INSR: variants seen among roughly 807,000 people sequenced by gnomAD.
INSR encodes the protein IR.
Under a neutral mutation model 142.6 loss-of-function variants are expected in INSR, and 67 were observed. That is an observed-to-expected ratio of 0.47 (90% CI 0.39 to 0.58). The LOEUF is 0.58. Among genes scored for constraint, INSR ranks in the 20% least tolerant of loss-of-function variants. The pLI is 0.00. For missense variants in INSR, 1,248 were observed against 1,833.2 expected (o/e 0.68, Z 5.83); for synonymous variants, 756 against 743.1 (o/e 1.02, Z -0.28).
intron 10 of INSR, chr19:7,152,452 C>T (rs1973395049): frequency 6.1e-6 from 3 of 491,300 alleles, no homozygotes; most frequent in Non-Finnish European, 7.4e-6. Flanking sequence ...TTGGAACTCA[C>T]GTGGAGACCA....
chr19:7,124,190 C>T (rs1021655582), intron 17 of INSR, among the ~76,000 whole-genome samples: 6 of 151,356 alleles, frequency 4.0e-5, no homozygotes, highest in East Asian at 3.9e-4. Flanking sequence ...GGTGAAACCC[C>T]GTCTCTAATA....
chr19:7,150,473 A>T lies in INSR; in HGVS notation c.2267+24T>A. 6.2e-7 allele frequency: 1 copy of T among 1,612,310 alleles called. No homozygotes were observed. Among genetic ancestry groups the T allele is most frequent in the Non-Finnish European group, 8.5e-7 (1 of 1,178,394 alleles). ...GCCGGCCCTGCGCGGAGCAGGCACC[A>T]GGGGTCGCACAGGTGAGTCATACCT... On this transcript the variant is annotated intron_variant, in intron 11 of 21. Coordinates refer to ENST00000302850, the MANE Select transcript of INSR (RefSeq NM_000208.4). The surrounding 1 kb of genome is among the most constrained non-coding windows in gnomAD (Gnocchi z 4.2).
At chr19:7,197,315 GGAGA>G (rs1321118419) in intron 2 of INSR, among the ~76,000 whole-genome samples, 1 of 93,222 alleles carries the variant, frequency 1.1e-5, no homozygotes, top group Non-Finnish European at 2.4e-5. Flanking sequence ...TCTTCTCTTC[GGAGA>G]GAGAGTGAGT....
At chr19:7,280,607 C>T (rs1445775472) in intron 1 of INSR, among the ~76,000 whole-genome samples, 1 of 151,950 alleles carries the variant, frequency 6.6e-6, no homozygotes, top group South Asian at 2.1e-4. Flanking sequence ...GTCCCAGCTA[C>T]TTGGGAGGCT....
chr19:7,218,948 G>C (rs1404400952), intron 2 of INSR, among the ~76,000 whole-genome samples: 1 of 152,180 alleles, frequency 6.6e-6, no homozygotes, highest in Non-Finnish European at 1.5e-5. Context: ...GCTTACAGGT[G>C]GCAGGAAGGC....
At chr19:7,233,832 C>T (rs1976074133) in intron 2 of INSR, among the ~76,000 whole-genome samples, 1 of 151,068 alleles carries the variant, frequency 6.6e-6, no homozygotes, top group South Asian at 2.1e-4. Context: ...CCCGCCACCA[C>T]ACCCGGCTAA....
chr19:7,135,408 C>T (rs1972894427), intron 13 of INSR, among the ~76,000 whole-genome samples: 2 of 146,128 alleles, frequency 1.4e-5, no homozygotes, highest in Admixed American at 6.9e-5. Context: ...CTCCGCCTCC[C>T]GAGTTCAAGC....
intron 2 of INSR, among the ~76,000 whole-genome samples, chr19:7,251,333 T>C (rs1382264473): frequency 6.6e-6 from 1 of 152,062 alleles, no homozygotes; most frequent in Non-Finnish European, 1.5e-5. Flanking sequence ...CTCGGCTCAT[T>C]ACAGCCTCAA....
intron 2 of INSR, among the ~76,000 whole-genome samples, chr19:7,238,637 A>T (rs1051856118): frequency 1.3e-4 from 19 of 151,066 alleles, no homozygotes; most frequent in Non-Finnish European, 2.7e-4. Context: ...AAAAAAAAAA[A>T]AAGGAAAGGG....
At chr19:7,132,349 G>C in intron 13 of INSR, 32 bp from the exon 14 acceptor site, 1 of 1,608,138 alleles carries the variant, frequency 6.2e-7, no homozygotes. Context: ...AAGGAGGGTG[G>C]CTGAGCTTTG....
intron 12 of INSR, 152 bp from the exon 13 acceptor site, chr19:7,141,968 A>G (rs1361843835): frequency 4.2e-6 from 3 of 712,918 alleles, no homozygotes; most frequent in African/African-American, 1.8e-5. Context: ...CTCATCCCAC[A>G]AGATTGTTAG....
chr19:7,228,287 T>A (rs1438459352), intron 2 of INSR, among the ~76,000 whole-genome samples: 2 of 152,232 alleles, frequency 1.3e-5, no homozygotes, highest in Admixed American at 1.3e-4. Context: ...CTTAAAGGCT[T>A]ATTTTAACAG....
intron 11 of INSR, among the ~76,000 whole-genome samples, chr19:7,147,415 TC>T (rs1473804216): frequency 6.6e-6 from 1 of 152,188 alleles, no homozygotes; most frequent in Admixed American, 6.5e-5. Flanking sequence ...CCTCAGGTGA[TC>T]CGCCTGCCTG....
At chr19:7,181,885 C>A (rs1386187207) in intron 3 of INSR, among the ~76,000 whole-genome samples, 4 of 151,630 alleles carry the variant, frequency 2.6e-5, no homozygotes, top group East Asian at 1.9e-4. Context: ...CTGGCCAAGG[C>A]CTTTTAACAT....
intron 2 of INSR, among the ~76,000 whole-genome samples, chr19:7,250,761 G>A (rs1027601684): frequency 6.6e-5 from 10 of 152,192 alleles, no homozygotes; most frequent in East Asian, 5.8e-4. Flanking sequence ...AAGCATGGTC[G>A]CCTTTGAAAA....
chr19:7,162,633 C>T (rs939256854), intron 9 of INSR, among the ~76,000 whole-genome samples: 5 of 151,634 alleles, frequency 3.3e-5, no homozygotes, highest in African/African-American at 4.8e-5. Context: ...CCAGGCTGAC[C>T]AACATGGAGA....
In INSR at chr19:7,192,496, A is replaced by T. The variant is rs1035570407; in HGVS notation, c.653-7859T>A. On this transcript the variant is annotated intron_variant, in intron 2 of 21. Coordinates refer to ENST00000302850, the MANE Select transcript of INSR (RefSeq NM_000208.4). The surrounding 1 kb of genome is among the most constrained non-coding windows in gnomAD (Gnocchi z 4.2). ...TTCCTCTCCCTGTGCCCCTGACCTG[A>T]TCCCCCTCATTGACACGTAATGAGC... Among the ~76,000 whole-genome samples the T allele has an allele frequency of 1.3e-5, 2 of 152,056 alleles. No homozygotes were observed. The highest frequency in any genetic ancestry group is 2.9e-5 in the Non-Finnish European group (2 of 68,006).
At chr19:7,270,762 A>T (rs889090135) in intron 1 of INSR, among the ~76,000 whole-genome samples, 1 of 151,558 alleles carries the variant, frequency 6.6e-6, no homozygotes, top group Non-Finnish European at 1.5e-5. Context: ...CGTCTCGATT[A>T]AAAAAACACA....
chr19:7,186,378 C>T (rs1974431566), intron 2 of INSR, among the ~76,000 whole-genome samples: 1 of 152,064 alleles, frequency 6.6e-6, no homozygotes, highest in Admixed American at 6.6e-5. Context: ...TCTGCGATGA[C>T]GGAAATGTTC....
Sources: gnomAD v4.1 joint callset for allele counts (sites outside exome capture counted in the v4.1 genomes callset) on GRCh38, gnomAD v4.1.1 for gene constraint, Gnocchi (gnomAD v3.1) non-coding constraint, MANE v1.5 for transcripts, NCBI Gene and HGNC (gene_info 2026-07-23, HGNC 2026-07-21) for gene names.